The following MROH1 variants were observed in gnomAD, a reference collection of about 807,000 sequenced individuals.
MROH1 encodes maestro heat like repeat family member 1, also known as maestro heat-like repeat-containing protein family member 1.
MROH1 carries 117 observed loss-of-function variants against 116.5 expected under a neutral mutation model. That is an observed-to-expected ratio of 1.00 (90% confidence interval 0.86 to 1.17). MROH1 has a LOEUF of 1.17. MROH1 is among the 50% of genes most tolerant of loss of function. MROH1 has a pLI of 0.00. For synonymous variants in MROH1, 921 were observed against 583.9 expected (o/e 1.58, Z -8.32); for missense variants, 1,873 against 1,338.5 (o/e 1.40, Z -6.23).
rs1843611525 is a variant in MROH1, at chr8:144,255,724, C to T, written c.3791+19C>T. ...CCTGCAGGTATCTGGGTCCCCACTT[C>T]CCACCTCCAGTACTGATTCGGAAGC... On this transcript the variant is annotated intron_variant, in intron 35 of 43. Transcript: ENST00000326134. 2.7e-6 allele frequency: 2 copies of T among 740,034 alleles called. No individual in the cohort carries two copies. Among genetic ancestry groups the T allele is most frequent in the African/African-American group, 1.7e-5 (1 of 58,084 alleles). 45.8% of individuals were successfully genotyped at this position (740,034 alleles called of 1,614,324 possible).
At chr8:144,258,259 C>T (rs1048268825) in intron 35 of MROH1, among the ~76,000 whole-genome samples, 3 of 152,210 alleles carry the variant, frequency 2.0e-5, no homozygotes, top group Non-Finnish European at 2.9e-5. Context: ...CTCTTCAGCA[C>T]GCCAGCAGCC....
At chr8:144,210,050 C>G (rs1418277271) in intron 12 of MROH1, among the ~76,000 whole-genome samples, 1 of 151,884 alleles carries the variant, frequency 6.6e-6, no homozygotes, top group African/African-American at 2.4e-5. Context: ...CTCCTTGCAT[C>G]CTATTCCAGT....
intron 3 of MROH1, among the ~76,000 whole-genome samples, chr8:144,167,323 C>T (rs374853252): frequency 9.0e-5 from 10 of 111,400 alleles, no homozygotes; most frequent in Non-Finnish European, 1.3e-4. Flanking sequence ...GTAGAGTGGC[C>T]GGTTGTTGGG....
At chr8:144,226,311 C>T (rs141600439) in intron 14 of MROH1, among the ~76,000 whole-genome samples, 166 of 152,268 alleles carry the variant, frequency 1.1e-3, no homozygotes, top group African/African-American at 3.6e-3. Flanking sequence ...TGAGAACACT[C>T]TTCTCTGTAC....
At chr8:144,152,555 A>ATTTTTTTTTT (rs1554774004) in intron 1 of MROH1, among the ~76,000 whole-genome samples, 32 of 130,588 alleles carry the variant, frequency 2.5e-4, no homozygotes, top group African/African-American at 7.8e-4. Flanking sequence ...TATTATTATT[A>ATTTTTTTTTT]TTTTTTTTTT....
rs969468968 is a variant in MROH1 at position 144,180,777 on chromosome 8, C to T, written c.562+254C>T. 6.6e-6 allele frequency among the ~76,000 whole-genome samples: 1 copy of T among 152,114 alleles called. No homozygotes were observed. Among genetic ancestry groups the T allele is most frequent in the Non-Finnish European group, 1.5e-5 (1 of 68,004 alleles). ...CATTGTGGGTCCACTGAGGGCTGGACGTGCCTGGGGGGTAGGAAGAGACTT... is the reference window on the plus strand; with the variant it reads ...CATTGTGGGTCCACTGAGGGCTGGATGTGCCTGGGGGGTAGGAAGAGACTT... On this transcript the variant is annotated intron_variant, in intron 7 of 43. Transcript: ENST00000326134. The surrounding 1 kb of genome is among the most constrained non-coding windows in gnomAD (Gnocchi z 7.4).
chr8:144,148,285 G>A (rs1282391302), intron 1 of MROH1, among the ~76,000 whole-genome samples: 1 of 152,190 alleles, frequency 6.6e-6, no homozygotes, highest in African/African-American at 2.4e-5. Context: ...CCACAGCCCG[G>A]AAGAGAGGCC....
chr8:144,182,047 C>T lies in MROH1; in HGVS notation c.562+1524C>T, dbSNP rs932003148. ...TTCCATGGGACCTCCTCGTGTGGGA[C>T]GTGTGCTCCCCACCACAAATGGAAC... On this transcript the variant is annotated intron_variant, in intron 7 of 43. Coordinates refer to ENST00000326134, the MANE Select transcript of MROH1 (RefSeq NM_032450.3). This position sits in a 1 kb window ranked among gnomAD's most constrained non-coding sequence, Gnocchi z 4.1. Among the ~76,000 whole-genome samples the T allele has an allele frequency of 6.6e-6, 1 of 152,218 alleles. No individual in the cohort carries two copies. The highest frequency in any genetic ancestry group is 1.5e-5 in the Non-Finnish European group (1 of 68,036).
In MROH1 at chr8:144,249,072, GGA is replaced by G; in HGVS notation, c.3273+47_3273+48del. 7.0e-6 allele frequency: 5 copies of G among 713,012 alleles called. No individual in the cohort carries two copies. The South Asian group carries it at 7.4e-5, about 11-fold the overall frequency. 44.2% of individuals were successfully genotyped at this position (713,012 alleles called of 1,614,324 possible). ...GCGGGGGGTGCTCCAGGAGAAGGTG[GGA>G]GAGGGCGCGGTGGGACGGGCAGGGC... On this transcript the variant is annotated intron_variant, in intron 32 of 43. Coordinates refer to ENST00000326134, the MANE Select transcript of MROH1 (RefSeq NM_032450.3).
In MROH1 at chr8:144,225,910, G is replaced by GTTT. The variant is rs764956904; in HGVS notation, c.1338+2701_1338+2703dup. Among the ~76,000 whole-genome samples the GTTT allele has an allele frequency of 5.5e-3, 483 of 87,536 alleles. 18 individuals are homozygous for GTTT. Among genetic ancestry groups the GTTT allele is most frequent in the East Asian group, 0.014 (38 of 2,666 alleles). 57.4% of individuals were successfully genotyped at this position (87,536 alleles called of 152,430 possible). ...CATATAGGCCTATGATTCATTTTTAGTTTTTTTTTTTTTTTTTTTTTTTAG... is the reference window on the plus strand; with the variant it reads ...CATATAGGCCTATGATTCATTTTTAGTTTTTTTTTTTTTTTTTTTTTTTTTTAG... On this transcript the variant is annotated intron_variant, in intron 14 of 43. Transcript: ENST00000326134.
intron 12 of MROH1, among the ~76,000 whole-genome samples, chr8:144,211,956 C>T (rs1834196100): frequency 6.6e-6 from 1 of 152,194 alleles, no homozygotes; most frequent in Non-Finnish European, 1.5e-5. Flanking sequence ...TGATACGGCC[C>T]TGCTGGTCTT....
rs140370452 is a variant in MROH1, at chr8:144,220,376, G to A, written c.1142-224G>A. Among the ~76,000 whole-genome samples, 14 of 152,270 alleles carry A rather than the reference G, an allele frequency of 9.2e-5. 2 individuals are homozygous for A. Among genetic ancestry groups the A allele is most frequent in the African/African-American group, 3.1e-4 (13 of 41,564 alleles). On this transcript the variant is annotated intron_variant, in intron 12 of 43. Coordinates refer to ENST00000326134, the MANE Select transcript of MROH1 (RefSeq NM_032450.3). ...GACTCAGGCCCATTCTTCTACGACC[G>A]ACCGCCCTAAACTACCAGCCACTTA...
chr8:144,216,136 A>G (rs1327994925), intron 12 of MROH1, among the ~76,000 whole-genome samples: 1 of 150,924 alleles, frequency 6.6e-6, no homozygotes, highest in African/African-American at 2.4e-5. Flanking sequence ...CCAAGATTGC[A>G]CCATTGCACT....
chr8:144,244,641 T>C (rs1841580578), intron 28 of MROH1, 102 bp downstream of exon 28: 1 of 702,328 alleles, frequency 1.4e-6, no homozygotes, highest in South Asian at 1.5e-5. Context: ...CAGGGACAGT[T>C]TGGTGCTCTC....
At position 144,239,356 on chromosome 8, in the gene MROH1, G is replaced by T; in HGVS notation, c.1625G>T (p.Arg542Ile). 1 of 780,494 alleles carries T rather than the reference G, an allele frequency of 1.3e-6. No individual in the cohort carries two copies. Among genetic ancestry groups the T allele is most frequent in the South Asian group, 1.3e-5 (1 of 74,612 alleles). The allele number at this position is 780,494 out of a possible 1,614,324, so 48.3% of individuals were successfully genotyped here. The change falls in exon 17 of 44, where the codon AGA becomes ATA. Residue 542 changes from arginine to isoleucine, a missense_variant. Arg to Ile is a moderately conservative substitution (Grantham distance 97, BLOSUM62 -3). Transcript: ENST00000326134. ...SLPSPYAVTGRLLVVSSSPYL... is the reference protein window; with the variant it reads ...SLPSPYAVTGILLVVSSSPYL... ...CCGTCTCCCTATGCTGTAACCGGAA[G>T]ACTGTTGGTGAGCCTCGCCCTTTCA...
chr8:144,243,395 T>A, intron 24 of MROH1, 99 bp from the exon 25 acceptor site: 1 of 735,112 alleles, frequency 1.4e-6, no homozygotes, highest in South Asian at 1.4e-5. Flanking sequence ...GAGAGCAGAG[T>A]GCAGCACTTC....
chr8:144,191,080 A>C (rs1366636055), intron 8 of MROH1, 145 bp downstream of exon 8: 1 of 919,416 alleles, frequency 1.1e-6, no homozygotes, highest in East Asian at 2.8e-5. Context: ...ACCTTTATTT[A>C]TTTTTTTGAG....
chr8:144,184,899 G>A (rs1391225885), intron 7 of MROH1, among the ~76,000 whole-genome samples: 1 of 152,212 alleles, frequency 6.6e-6, no homozygotes, highest in South Asian at 2.1e-4. Flanking sequence ...CCTCCACCCA[G>A]GGCAGAAGGA....
At chr8:144,169,625 AT>A (rs1821933824) in intron 4 of MROH1, among the ~76,000 whole-genome samples, 1 of 147,052 alleles carries the variant, frequency 6.8e-6, no homozygotes, top group South Asian at 2.2e-4. Context: ...CTAATTTTGT[AT>A]TTTTATTTTT....
Sources: gnomAD v4.1 joint callset for allele counts (sites outside exome capture counted in the v4.1 genomes callset) on GRCh38, gnomAD v4.1.1 for gene constraint, Gnocchi (gnomAD v3.1) non-coding constraint, MANE v1.5 for transcripts, NCBI Gene and HGNC (gene_info 2026-07-23, HGNC 2026-07-21) for gene names.